The following HMGA2 variants were observed in gnomAD, a reference collection of about 807,000 sequenced individuals.
The protein encoded by HMGA2 is high mobility group AT-hook 2.
A neutral mutation model predicts 19.1 loss-of-function variants in HMGA2; 8 were observed. That is an observed-to-expected ratio of 0.42 (90% CI 0.25 to 0.76). HMGA2 has a LOEUF of 0.76. HMGA2 is among the 30% of genes least tolerant of loss of function. The probability of loss-of-function intolerance (pLI) is 0.28; values close to 1 mark genes in which losing one functional copy is unlikely to be tolerated. For synonymous variants in HMGA2, 60 were observed against 48.8 expected (o/e 1.23, Z -0.96); for missense variants, 109 against 136.3 (o/e 0.80, Z 1.00).
intron 2 of HMGA2, among the ~76,000 whole-genome samples, chr12:65,838,042 A>T (rs1232229144): frequency 6.6e-6 from 1 of 152,160 alleles, no homozygotes; most frequent in Non-Finnish European, 1.5e-5. Context: ...TTGACTACCA[A>T]TATAGGTAGA....
At chr12:65,848,295 CT>C (rs2120915151) in intron 3 of HMGA2, among the ~76,000 whole-genome samples, 1 of 152,292 alleles carries the variant, frequency 6.6e-6, no homozygotes, top group African/African-American at 2.4e-5. Context: ...TTCTCTCTCT[CT>C]TTTTACAAAA....
chr12:65,917,349 G>C (rs1173344654), intron 3 of HMGA2, among the ~76,000 whole-genome samples: 1 of 152,182 alleles, frequency 6.6e-6, no homozygotes, highest in African/African-American at 2.4e-5. Flanking sequence ...AAGAAGCCAT[G>C]GTGTTTGACA....
chr12:65,963,149 T>G, intron 4 of HMGA2, 96 bp from the exon 5 acceptor site: 1 of 1,092,828 alleles, frequency 9.2e-7, no homozygotes, highest in Non-Finnish European at 1.4e-6. Context: ...GCAAGCATAA[T>G]GTGCTGTGGA....
intron 3 of HMGA2, chr12:65,882,299 C>G (rs956519092): frequency 2.2e-5 from 5 of 223,286 alleles, no homozygotes; most frequent in Non-Finnish European, 4.6e-5. Context: ...CGGCTGTGCT[C>G]CGGGCTGCGC....
intron 3 of HMGA2, chr12:65,881,524 C>A (rs1873386098): frequency 8.6e-6 from 5 of 579,232 alleles, no homozygotes; most frequent in Non-Finnish European, 1.5e-5. Flanking sequence ...AAACAAAAAA[C>A]CACTCCAACA....
At chr12:65,876,226 CA>C (rs34159695) in intron 3 of HMGA2, among the ~76,000 whole-genome samples, 18,060 of 144,882 alleles carry the variant, frequency 0.12, 1,859 homozygotes, top group African/African-American at 0.27. Context: ...CCTGTTTTTT[CA>C]AAAAAAAAAT....
At chr12:65,872,854 T>A (rs910079215) in intron 3 of HMGA2, among the ~76,000 whole-genome samples, 1 of 152,222 alleles carries the variant, frequency 6.6e-6, no homozygotes, top group African/African-American at 2.4e-5. Flanking sequence ...GAACTTCTTA[T>A]GTTGATTATA....
chr12:65,861,716 A>C (rs1363419369), intron 3 of HMGA2, among the ~76,000 whole-genome samples: 2 of 151,538 alleles, frequency 1.3e-5, no homozygotes, highest in Non-Finnish European at 2.9e-5. Flanking sequence ...TTTAAGAGTA[A>C]ATTGAGTAAA....
chr12:65,937,030 C>A (rs1321095735), intron 3 of HMGA2, among the ~76,000 whole-genome samples: 2 of 152,200 alleles, frequency 1.3e-5, no homozygotes, highest in Admixed American at 1.3e-4. Context: ...GGCCAAAAAG[C>A]TGCCCGTGTA....
At chr12:65,943,496 T>A (rs572539766) in intron 3 of HMGA2, among the ~76,000 whole-genome samples, 6 of 152,166 alleles carry the variant, frequency 3.9e-5, no homozygotes, top group Non-Finnish European at 5.9e-5. Context: ...CTTGAGCAGA[T>A]GAAACAAGGC....
At chr12:65,925,182 A>C (rs187165126) in intron 3 of HMGA2, among the ~76,000 whole-genome samples, 31 of 152,324 alleles carry the variant, frequency 2.0e-4, no homozygotes, top group Middle Eastern at 3.4e-3. Flanking sequence ...TATCTTTTCT[A>C]CAATTTCTAA....
At position 65,918,665 on chromosome 12, in the gene HMGA2, G is replaced by A. The variant is rs528870444; in HGVS notation, c.250-32718G>A. Among the ~76,000 whole-genome samples the A allele has an allele frequency of 2.5e-4, 38 of 152,264 alleles. No homozygotes were observed. The South Asian group carries it at 7.9e-3, about 32-fold the overall frequency. ...GAAAAGAAACAAAACTCAGATTTTGGTAAAGATCAAGATGAATGGTGTTGA... is the reference window on the plus strand; with the variant it reads ...GAAAAGAAACAAAACTCAGATTTTGATAAAGATCAAGATGAATGGTGTTGA... On this transcript the variant is annotated intron_variant, in intron 3 of 4. Transcript: ENST00000403681.
intron 3 of HMGA2, among the ~76,000 whole-genome samples, chr12:65,875,589 A>ATTTTTTTTTT (rs71096056): frequency 0.023 from 589 of 26,098 alleles, 243 homozygotes; most frequent in Non-Finnish European, 0.038. Context: ...GTGCCCGGCT[A>ATTTTTTTTTT]TTTTTTTTTT....
chr12:65,863,841 A>G (rs1872240842), intron 3 of HMGA2, among the ~76,000 whole-genome samples: 1 of 152,332 alleles, frequency 6.6e-6, no homozygotes, highest in African/African-American at 2.4e-5. Flanking sequence ...TTGGCTTGGC[A>G]CAGGAATTGC....
At chr12:65,951,290 GCAGACAAGTAT>G in intron 3 of HMGA2, 82 bp from the exon 4 acceptor site, 1 of 767,406 alleles carries the variant, frequency 1.3e-6, no homozygotes, top group Non-Finnish European at 2.1e-6. Context: ...TCTTTCCTTT[GCAGACAAGTAT>G]CTGTATTTAA....
In HMGA2 at chr12:65,965,839, A is replaced by C; in HGVS notation, c.*2547A>C. On this transcript the variant is annotated 3_prime_UTR_variant, in exon 5 of 5. Transcript: ENST00000403681. ...TACCTCTTAAGTCCCAGTATACCTCATTTTTCATACTGAAAAAAAAAGCTT... is the reference window on the plus strand; with the variant it reads ...TACCTCTTAAGTCCCAGTATACCTCCTTTTTCATACTGAAAAAAAAAGCTT... The C allele has an allele frequency of 4.7e-6, 1 of 214,314 alleles. No individual in the cohort carries two copies. Among genetic ancestry groups the C allele is most frequent in the Non-Finnish European group, 9.4e-6 (1 of 106,034 alleles). 13.3% of individuals were successfully genotyped at this position (214,314 alleles called of 1,614,324 possible). A position where few individuals can be genotyped will look rare whatever the true frequency, so the allele number is the denominator to read the frequency against.
intron 2 of HMGA2, among the ~76,000 whole-genome samples, chr12:65,830,069 CA>C (rs1870410856): frequency 6.6e-6 from 1 of 151,884 alleles, no homozygotes; most frequent in Admixed American, 6.6e-5. Context: ...TTATTTCCTA[CA>C]ATGGTGTTAT....
chr12:65,880,815 A>T (rs11837992), intron 3 of HMGA2, among the ~76,000 whole-genome samples: 4,180 of 152,290 alleles, frequency 0.027, 207 homozygotes, highest in African/African-American at 0.095. Flanking sequence ...GTGAGGATTC[A>T]TTTAACTTTC....
At chr12:65,837,311 T>A (rs1319296116) in intron 2 of HMGA2, among the ~76,000 whole-genome samples, 2 of 152,226 alleles carry the variant, frequency 1.3e-5, no homozygotes, top group African/African-American at 4.8e-5. Flanking sequence ...CATCTACCTG[T>A]CTGTCTATCT....
Sources: gnomAD v4.1 joint callset for allele counts (sites outside exome capture counted in the v4.1 genomes callset) on GRCh38, gnomAD v4.1.1 for gene constraint, MANE v1.5 for transcripts, NCBI Gene and HGNC (gene_info 2026-07-23, HGNC 2026-07-21) for gene names.